The following RRP15 variants were observed in gnomAD, a reference collection of about 807,000 sequenced individuals.
The protein encoded by RRP15 is RRP15-like protein.
A neutral mutation model predicts 27.1 loss-of-function variants in RRP15; 18 were observed. That is an observed-to-expected ratio of 0.66 (90% CI 0.46 to 0.98). RRP15 has a LOEUF of 0.98. Ranked by LOEUF, RRP15 falls within the 50% of genes least tolerant of loss-of-function variation. The probability of loss-of-function intolerance (pLI) is 0.00; values close to 1 mark genes in which losing one functional copy is unlikely to be tolerated. For synonymous variants in RRP15, 107 were observed against 109.4 expected (o/e 0.98, Z 0.14); for missense variants, 359 against 337.8 (o/e 1.06, Z -0.49).
intron 1 of RRP15, among the ~76,000 whole-genome samples, chr1:218,289,108 C>G (rs1314670901): frequency 6.6e-6 from 1 of 151,982 alleles, no homozygotes; most frequent in Non-Finnish European, 1.5e-5. Flanking sequence ...CACATGGTAC[C>G]CACTCATAAA....
intron 1 of RRP15, among the ~76,000 whole-genome samples, chr1:218,296,673 G>C: frequency 6.6e-6 from 1 of 151,666 alleles, no homozygotes; most frequent in Non-Finnish European, 1.5e-5. Context: ...GAAAATAAGT[G>C]TTGTGAAATG....
In RRP15 at chr1:218,310,992, G is replaced by A. The variant is rs561197636; in HGVS notation, c.705+3360G>A. The stretch of plus-strand genomic sequence containing the variant: ...ACGAACTCCTGACCTCAGGTGATCC[G>A]CCTGCCTCGGCCTCCCAAAGTGCTG... On this transcript the variant is annotated intron_variant, in intron 4 of 4. Transcript: ENST00000366932. 1.1e-4 allele frequency among the ~76,000 whole-genome samples: 16 copies of A among 151,900 alleles called. No individual in the cohort carries two copies. In the East Asian group the frequency reaches 2.1e-3, roughly 20 times the overall value.
At position 218,331,050 on chromosome 1, in the gene RRP15, G is replaced by C. The variant is rs746555876; in HGVS notation, c.808G>C (p.Asp270His). 3 of 1,613,448 alleles carry C rather than the reference G, an allele frequency of 1.9e-6. No individual in the cohort carries two copies. The South Asian group carries it at 3.3e-5, about 18-fold the overall frequency. Reference protein sequence around the residue: ...KDWDKESDGPDDSRPESASDS... With the variant: ...KDWDKESDGPHDSRPESASDS... Reference sequence around the variant, plus strand: ...CTGGGACAAGGAAAGTGATGGGCCAGATGACAGCAGACCAGAATCTGCAAG... The same window carrying C: ...CTGGGACAAGGAAAGTGATGGGCCACATGACAGCAGACCAGAATCTGCAAG... The change falls in exon 5 of 5, where the codon GAT becomes CAT. Residue 270 changes from aspartate (D) to histidine (H), a missense_variant. Asp to His is a moderately conservative substitution (Grantham distance 81, BLOSUM62 -1). Coordinates refer to ENST00000366932, the MANE Select transcript of RRP15 (RefSeq NM_016052.4).
chr1:218,302,419 A>C lies in RRP15; in HGVS notation c.265A>C (p.Asn89His), dbSNP rs775480729. The C allele has an allele frequency of 4.3e-6, 7 of 1,614,098 alleles. No individual in the cohort carries two copies. The highest frequency in any genetic ancestry group is 1.1e-5 in the South Asian group (1 of 91,084). The change falls in exon 2 of 5, where the codon AAT becomes CAT. Residue 89 changes from asparagine (N) to histidine (H), a missense_variant. Transcript: ENST00000366932. ...ENDGESSVGT[N>H]MGWADAMAKV... ...TGATGGAGAATCAAGTGTTGGGACT[A>C]ATATGGGCTGGGCAGATGCTATGGC...
chr1:218,298,817 G>A (rs1014208389), intron 1 of RRP15, among the ~76,000 whole-genome samples: 1 of 152,194 alleles, frequency 6.6e-6, no homozygotes, highest in Admixed American at 6.5e-5. Context: ...TGGCTACTGA[G>A]CAGCTTTAAT....
intron 4 of RRP15, among the ~76,000 whole-genome samples, chr1:218,323,642 A>G (rs976491203): frequency 1.3e-5 from 2 of 152,270 alleles, no homozygotes; most frequent in South Asian, 4.1e-4. Context: ...GCTTCCTGCC[A>G]CTGCTCATGG....
At chr1:218,311,029 A>G (rs889748408) in intron 4 of RRP15, among the ~76,000 whole-genome samples, 2 of 151,958 alleles carry the variant, frequency 1.3e-5, no homozygotes, top group African/African-American at 4.8e-5. Flanking sequence ...GATTACAGGC[A>G]TGACCCACCA....
intron 4 of RRP15, among the ~76,000 whole-genome samples, chr1:218,329,646 T>C (rs1339494108): frequency 2.6e-5 from 4 of 152,202 alleles, no homozygotes; most frequent in Admixed American, 1.3e-4. Flanking sequence ...GGGTAAATTA[T>C]AGTAAAAAGT....
intron 1 of RRP15, among the ~76,000 whole-genome samples, chr1:218,298,212 C>T (rs1367219925): frequency 6.6e-6 from 1 of 152,076 alleles, no homozygotes; most frequent in African/African-American, 2.4e-5. Flanking sequence ...ATCTTACTTC[C>T]TTGGCTTCCT....
rs1420470564 is a variant in RRP15 at position 218,333,623 on chromosome 1, A to G, written c.*2532A>G. 1 of 152,510 alleles carries G rather than the reference A, an allele frequency of 6.6e-6. No individual in the cohort carries two copies. The highest frequency in any genetic ancestry group is 2.1e-4 in the South Asian group (1 of 4,820). The allele number at this position is 152,510 out of a possible 1,614,324, so 9.4% of individuals were successfully genotyped here. A position where few individuals can be genotyped will look rare whatever the true frequency, so the allele number is the denominator to read the frequency against. The stretch of plus-strand genomic sequence containing the variant: ...GCTATCCTCCCACCTCAGCCTCCCA[A>G]GTAGCTAGGACTACAGGTGTGCACC... On this transcript the variant is annotated 3_prime_UTR_variant, in exon 5 of 5. Coordinates refer to ENST00000366932, the MANE Select transcript of RRP15 (RefSeq NM_016052.4).
intron 1 of RRP15, among the ~76,000 whole-genome samples, chr1:218,297,069 C>T (rs1432209241): frequency 6.6e-6 from 1 of 152,180 alleles, no homozygotes; most frequent in Non-Finnish European, 1.5e-5. Context: ...ATTTAATCAT[C>T]ATAGCAACCC....
intron 4 of RRP15, among the ~76,000 whole-genome samples, chr1:218,320,668 A>G (rs934468594): frequency 6.6e-6 from 1 of 152,140 alleles, no homozygotes; most frequent in Non-Finnish European, 1.5e-5. Flanking sequence ...ATAAACGTTT[A>G]TTATAAAATC....
intron 4 of RRP15, among the ~76,000 whole-genome samples, chr1:218,320,818 A>G (rs1656176357): frequency 6.6e-6 from 1 of 152,186 alleles, no homozygotes; most frequent in South Asian, 2.1e-4. Flanking sequence ...TACAATTGCA[A>G]ATAGCTTACT....
intron 1 of RRP15, among the ~76,000 whole-genome samples, chr1:218,293,657 T>G (rs1655678457): frequency 6.6e-6 from 1 of 152,238 alleles, no homozygotes; most frequent in Admixed American, 6.5e-5. Flanking sequence ...ATAACCCATA[T>G]GTTGTTTGAA....
intron 4 of RRP15, among the ~76,000 whole-genome samples, chr1:218,312,551 G>A (rs1198358239): frequency 6.6e-6 from 1 of 152,136 alleles, no homozygotes; most frequent in Admixed American, 6.5e-5. Flanking sequence ...GTTAAATTCA[G>A]TGGAGATTTG....
intron 4 of RRP15, among the ~76,000 whole-genome samples, chr1:218,323,882 G>A (rs1656228573): frequency 1.3e-5 from 2 of 152,172 alleles, no homozygotes; most frequent in South Asian, 2.1e-4. Flanking sequence ...CACTGGGAGC[G>A]GGGAGAAACC....
chr1:218,320,721 A>G (rs1313090157), intron 4 of RRP15, among the ~76,000 whole-genome samples: 2 of 152,012 alleles, frequency 1.3e-5, no homozygotes, highest in Non-Finnish European at 2.9e-5. Flanking sequence ...CATAGCTCCT[A>G]TCTCAGGGGC....
chr1:218,297,243 ACT>A (rs1422908513), intron 1 of RRP15, among the ~76,000 whole-genome samples: 1 of 152,086 alleles, frequency 6.6e-6, no homozygotes, highest in Non-Finnish European at 1.5e-5. Flanking sequence ...CTATGCTATA[ACT>A]CTCTAGTCAT....
chr1:218,319,372 CT>C (rs1016724856), intron 4 of RRP15, among the ~76,000 whole-genome samples: 5 of 152,084 alleles, frequency 3.3e-5, no homozygotes, highest in African/African-American at 1.2e-4. Flanking sequence ...GCTTGTTTGT[CT>C]TTTTAAAATG....
Sources: gnomAD v4.1 joint callset for allele counts (sites outside exome capture counted in the v4.1 genomes callset) on GRCh38, gnomAD v4.1.1 for gene constraint, MANE v1.5 for transcripts, NCBI Gene and HGNC (gene_info 2026-07-23, HGNC 2026-07-21) for gene names.